Variants in ATIC observed in about 807,000 individuals in gnomAD.
The protein encoded by ATIC is bifunctional purine biosynthesis protein ATIC.
Under a neutral mutation model 72.5 loss-of-function variants are expected in ATIC, and 64 were observed. The observed-to-expected ratio is 0.88, with a 90% CI of 0.72 to 1.09. ATIC has a LOEUF of 1.09. Among genes scored for constraint, ATIC ranks in the 50% least tolerant of loss-of-function variants. The pLI is 0.00. For synonymous variants in ATIC, 281 were observed against 267.1 expected, an observed-to-expected ratio of 1.05 and a Z score of -0.51; for missense variants, 787 against 732.4, an observed-to-expected ratio of 1.07 and a Z score of -0.86.
the ATIC span, among the ~76,000 whole-genome samples, chr2:215,357,332 C>T: frequency 6.6e-6 from 1 of 152,210 alleles, no homozygotes; most frequent in South Asian, 2.1e-4. Context: ...CTTCAGGGCA[C>T]TTGACGCCAG....
At chr2:215,367,385 G>A in the ATIC span, among the ~76,000 whole-genome samples, 37,803 of 152,026 alleles carry the variant, frequency 0.25, 5,517 homozygotes, top group South Asian at 0.46. Flanking sequence ...AGCTACCTGG[G>A]CTATGTGTGT....
At chr2:215,361,713 GACAGCTGCTTATAGAT>G in the ATIC span, 1 of 1,089,306 alleles carries the variant, frequency 9.2e-7, no homozygotes, top group African/African-American at 1.5e-5. Flanking sequence ...GGGGACTCAT[GACAGCTGCTTATAGAT>G]AGGATAATAT....
chr2:215,320,069 A>G (rs1041116277), intron 4 of ATIC, among the ~76,000 whole-genome samples: 1 of 152,138 alleles, frequency 6.6e-6, no homozygotes, highest in African/African-American at 2.4e-5. Flanking sequence ...GAAATCCGAA[A>G]TGCTTCAGTG....
At chr2:215,344,638 G>T in intron 12 of ATIC, 141 bp from the exon 13 acceptor site, 1 of 779,796 alleles carries the variant, frequency 1.3e-6, no homozygotes, top group Non-Finnish European at 2.1e-6. Flanking sequence ...TTGTGCCGTT[G>T]GAGATTGTCC....
intron 4 of ATIC, among the ~76,000 whole-genome samples, chr2:215,324,937 G>T (rs1011011261): frequency 7.2e-5 from 11 of 152,062 alleles, no homozygotes; most frequent in Admixed American, 2.0e-4. Context: ...ATTTTTCATG[G>T]CTTGGTGGTT....
Position 215,319,708 on chromosome 2 carries a change from C to T in ATIC, c.267C>T (p.Ala89=). 3.1e-6 allele frequency: 5 copies of T among 1,611,866 alleles called. No individual in the cohort carries two copies. The highest frequency in any genetic ancestry group is 1.1e-5 in the South Asian group (1 of 91,016). Residue 89 remains alanine, a synonymous_variant, in exon 4 of 16, where the codon GCC becomes GCT. Transcript: ENST00000236959. ...RNIPEDNADM[A]RLDFNLIRVV... ...TTCCAGAAGATAATGCTGACATGGC[C>T]AGACTTGATTTCAATCTTATAAGGT... is the stretch of plus-strand genomic sequence containing the variant.
At chr2:215,319,088 C>T (rs911584413) in intron 3 of ATIC, among the ~76,000 whole-genome samples, 3 of 151,982 alleles carry the variant, frequency 2.0e-5, no homozygotes, top group African/African-American at 7.2e-5. Flanking sequence ...ACCTTGTTGC[C>T]CAGGCTGGTC....
chr2:215,365,803 TTTA>T, the ATIC span: 34 of 279,724 alleles, frequency 1.2e-4, no homozygotes, highest in South Asian at 1.7e-3. Flanking sequence ...TTATTTACTT[TTTA>T]TTTTTTTTTT....
the ATIC span, among the ~76,000 whole-genome samples, chr2:215,365,332 G>A: frequency 7.9e-5 from 12 of 152,282 alleles, no homozygotes; most frequent in African/African-American, 2.9e-4. Flanking sequence ...ATTAAATCAT[G>A]ACTCATTTTT....
rs533578957 is a variant in ATIC at position 215,319,784 on chromosome 2, A to G, written c.290+53A>G. The G allele has an allele frequency of 1.9e-5, 27 of 1,386,534 alleles. No homozygotes were observed. The East Asian group carries it at 5.0e-4, about 26-fold the overall frequency. 85.9% of individuals were successfully genotyped at this position (1,386,534 alleles called of 1,614,324 possible). A position where few individuals can be genotyped will look rare whatever the true frequency, so the allele number is the denominator to read the frequency against. Reference sequence around the variant, plus strand: ...ACATTACGAACCAACGACAAAGACTATGCCAAACCTGGTGTCCCTGTGTTT... The same window carrying G: ...ACATTACGAACCAACGACAAAGACTGTGCCAAACCTGGTGTCCCTGTGTTT... On this transcript the variant is annotated intron_variant, in intron 4 of 15. Transcript: ENST00000236959.
intron 13 of ATIC, among the ~76,000 whole-genome samples, chr2:215,346,311 G>A (rs1052823727): frequency 2.6e-5 from 4 of 151,988 alleles, no homozygotes; most frequent in Non-Finnish European, 5.9e-5. Flanking sequence ...GCAGGTGTGC[G>A]CCACTACCCC....
the ATIC span, among the ~76,000 whole-genome samples, chr2:215,355,147 G>A: frequency 6.6e-6 from 1 of 152,044 alleles, no homozygotes; most frequent in Non-Finnish European, 1.5e-5. Context: ...CTCATATTTT[G>A]CTCTGTGAGG....
chr2:215,343,798 TA>T (rs1437673472), intron 12 of ATIC, among the ~76,000 whole-genome samples: 1 of 152,250 alleles, frequency 6.6e-6, no homozygotes, highest in Non-Finnish European at 1.5e-5. Flanking sequence ...AAGTCAAATT[TA>T]TCAACTTATC....
chr2:215,322,187 G>A (rs924329726), intron 4 of ATIC, among the ~76,000 whole-genome samples: 12 of 152,008 alleles, frequency 7.9e-5, no homozygotes, highest in African/African-American at 2.7e-4. Context: ...ACAGGCTTGA[G>A]CCACCATGCC....
rs761782507 is a variant in ATIC at position 215,349,180 on chromosome 2, A to G, written c.1590A>G (p.Lys530=). 6.2e-7 allele frequency: 1 copy of G among 1,614,184 alleles called. No individual in the cohort carries two copies. Among genetic ancestry groups the G allele is most frequent in the South Asian group, 1.1e-5 (1 of 91,080 alleles). Residue 530 remains lysine, a synonymous_variant, in exon 15 of 16, where the codon AAA becomes AAG. Coordinates refer to ENST00000236959, the MANE Select transcript of ATIC (RefSeq NM_004044.7). ...CAGAGAAGAAGGAATGGGTTGAGAA[A>G]CTGACTGAAGTTTCTATCAGCTCTG... ...TEAEKKEWVE[K]LTEVSISSDA... is the part of the protein sequence containing the mutation.
intron 7 of ATIC, among the ~76,000 whole-genome samples, chr2:215,327,802 A>G (rs2052845316): frequency 6.6e-6 from 1 of 151,744 alleles, no homozygotes; most frequent in Non-Finnish European, 1.5e-5. Context: ...TGAGAGAGCG[A>G]TGGGGGAGGG....
At chr2:215,357,582 C>T in the ATIC span, among the ~76,000 whole-genome samples, 1 of 152,228 alleles carries the variant, frequency 6.6e-6, no homozygotes, top group Non-Finnish European at 1.5e-5. Context: ...TTGGGACTTT[C>T]GGCTGAAGCC....
the ATIC span, chr2:215,365,531 C>T: frequency 1.2e-6 from 2 of 1,614,018 alleles, no homozygotes; most frequent in African/African-American, 2.7e-5. Flanking sequence ...TTCTCCTTTT[C>T]CGTTCCCAAG....
chr2:215,349,911 A>G, downstream of ATIC: 1 of 582,962 alleles, frequency 1.7e-6, no homozygotes, highest in Non-Finnish European at 2.9e-6. Context: ...TGTGAAACAT[A>G]AACATTAGCA....
Sources: gnomAD v4.1 joint callset for allele counts (sites outside exome capture counted in the v4.1 genomes callset) on GRCh38, gnomAD v4.1.1 for gene constraint, MANE v1.5 for transcripts, NCBI Gene and HGNC (gene_info 2026-07-23, HGNC 2026-07-21) for gene names.